LYN: variants seen among roughly 807,000 people sequenced by gnomAD.
LYN encodes the protein LYN proto-oncogene, Src family tyrosine kinase, also known as tyrosine-protein kinase Lyn.
A neutral mutation model predicts 65.0 loss-of-function variants in LYN; 12 were observed. The ratio of observed to expected loss-of-function variants is 0.18; its 90% confidence interval spans 0.12 to 0.30. LYN has a LOEUF of 0.30. Ranked by LOEUF, LYN falls within the 10% of genes least tolerant of loss-of-function variation. LYN has a pLI of 1.00. For synonymous variants in LYN, 222 were observed against 221.2 expected (o/e 1.00, Z -0.03); for missense variants, 380 against 623.2 (o/e 0.61, Z 4.16).
At chr8:55,983,140 G>A (rs1315296929) in intron 10 of LYN, among the ~76,000 whole-genome samples, 1 of 152,102 alleles carries the variant, frequency 6.6e-6, no homozygotes, top group East Asian at 1.9e-4. Flanking sequence ...AAGAGCACCA[G>A]CCTGAGGAGC....
At chr8:55,996,165 A>G (rs1054744723) in intron 10 of LYN, among the ~76,000 whole-genome samples, 1 of 152,228 alleles carries the variant, frequency 6.6e-6, no homozygotes, top group Non-Finnish European at 1.5e-5. Flanking sequence ...AAAAATAATG[A>G]CAAAGCTGTG....
chr8:55,897,801 T>C (rs1805159113), intron 1 of LYN, among the ~76,000 whole-genome samples: 1 of 152,054 alleles, frequency 6.6e-6, no homozygotes, highest in Non-Finnish European at 1.5e-5. Context: ...TATTCCCAGC[T>C]ACTCAGGAGG....
chr8:55,983,811 A>C (rs1337840340), intron 10 of LYN, among the ~76,000 whole-genome samples: 1 of 151,840 alleles, frequency 6.6e-6, no homozygotes, highest in Non-Finnish European at 1.5e-5. Flanking sequence ...CTTTCAACCT[A>C]TTTTTTCTCC....
intron 1 of LYN, among the ~76,000 whole-genome samples, chr8:55,934,284 T>C (rs575123684): frequency 6.6e-6 from 1 of 152,306 alleles, no homozygotes; most frequent in African/African-American, 2.4e-5. Flanking sequence ...AAAAAGAAGT[T>C]GGCAAACAGC....
intron 1 of LYN, among the ~76,000 whole-genome samples, chr8:55,913,225 A>C (rs935634811): frequency 1.1e-4 from 17 of 152,166 alleles, no homozygotes; most frequent in African/African-American, 3.9e-4. Flanking sequence ...AATAATTCAC[A>C]TTGAAATATA....
intron 1 of LYN, among the ~76,000 whole-genome samples, chr8:55,935,774 C>A (rs1412009869): frequency 1.5e-5 from 2 of 131,874 alleles, no homozygotes. Context: ...GAGGGAGACT[C>A]CATCCAAAAA....
At chr8:55,989,068 C>G (rs145242961) in intron 10 of LYN, among the ~76,000 whole-genome samples, 70 of 152,350 alleles carry the variant, frequency 4.6e-4, no homozygotes, top group African/African-American at 1.6e-3. Context: ...CTGGTGGTAG[C>G]AGCCGGGTAT....
At chr8:55,939,539 G>T (rs548678446) in intron 1 of LYN, among the ~76,000 whole-genome samples, 4 of 152,164 alleles carry the variant, frequency 2.6e-5, no homozygotes, top group Non-Finnish European at 2.9e-5. Context: ...CAGTGGGGGG[G>T]GGACAGGGGA....
chr8:55,969,675 G>T (rs1278339236), intron 9 of LYN, 42 bp from the exon 10 acceptor site: 1 of 1,426,212 alleles, frequency 7.0e-7, no homozygotes, highest in African/African-American at 1.4e-5. Context: ...ATTTTTTCTT[G>T]TGTGTTTGGA....
chr8:56,003,616 A>C (rs993950355), intron 12 of LYN, among the ~76,000 whole-genome samples: 4 of 151,900 alleles, frequency 2.6e-5, no homozygotes, highest in African/African-American at 9.7e-5. Context: ...CAGAAGTTGC[A>C]GTGAGCCGAG....
chr8:55,922,885 G>A (rs987193916), intron 1 of LYN, among the ~76,000 whole-genome samples: 3 of 152,204 alleles, frequency 2.0e-5, no homozygotes, highest in Non-Finnish European at 2.9e-5. Flanking sequence ...ATGGTTAGAC[G>A]TAGCAGGGCT....
At chr8:55,987,395 A>G (rs1808104484) in intron 10 of LYN, among the ~76,000 whole-genome samples, 1 of 149,496 alleles carries the variant, frequency 6.7e-6, no homozygotes, top group Non-Finnish European at 1.5e-5. Context: ...CTACAGAGTG[A>G]GACTTCATCT....
At chr8:55,977,484 A>G (rs1807789567) in intron 10 of LYN, among the ~76,000 whole-genome samples, 1 of 152,216 alleles carries the variant, frequency 6.6e-6, no homozygotes, top group African/African-American at 2.4e-5. Context: ...TTGGAGAATC[A>G]CAGAGTTCTC....
chr8:55,974,448 A>G (rs937961106), intron 10 of LYN, among the ~76,000 whole-genome samples: 1 of 152,200 alleles, frequency 6.6e-6, no homozygotes, highest in Admixed American at 6.5e-5. Context: ...GGAAAACTCT[A>G]TCTAGGAAGT....
rs1457545626 is a variant in LYN, at chr8:55,998,432, CAT to C, written c.1138_1139del (p.Met380ValfsTer10). The C allele has an allele frequency of 3.1e-6, 5 of 1,613,920 alleles. No individual in the cohort carries two copies. The highest frequency in any genetic ancestry group is 4.2e-6 in the Non-Finnish European group (5 of 1,179,914). ...CTAATGTTCTGGTCTCCGAGTCACT[CAT>C]GTGCAAAATTGCAGATTTTGGCCTT... The part of the protein sequence containing the change: ...AANVLVSESL[M>X]CKIADFGLAR... On this transcript the variant is annotated frameshift_variant, in exon 11 of 13. Transcript: ENST00000519728. LOFTEE classifies it high-confidence loss of function.
chr8:55,932,269 A>C (rs1806292255), intron 1 of LYN, among the ~76,000 whole-genome samples: 1 of 152,190 alleles, frequency 6.6e-6, no homozygotes, highest in Admixed American at 6.5e-5. Context: ...TTAGGAAACT[A>C]CAGAAACAAC....
intron 8 of LYN, among the ~76,000 whole-genome samples, chr8:55,964,432 G>A (rs1312235267): frequency 1.3e-5 from 2 of 152,026 alleles, no homozygotes; most frequent in African/African-American, 2.4e-5. Flanking sequence ...TTTTAATAGA[G>A]GAATCAGTCT....
intron 1 of LYN, among the ~76,000 whole-genome samples, chr8:55,884,532 C>T (rs1299702695): frequency 6.6e-6 from 1 of 152,176 alleles, no homozygotes; most frequent in Non-Finnish European, 1.5e-5. Context: ...TCCCAGTTCA[C>T]TGCACCTCCA....
chr8:55,960,057 T>G (rs1400312079), intron 8 of LYN, among the ~76,000 whole-genome samples: 1 of 152,180 alleles, frequency 6.6e-6, no homozygotes, highest in Non-Finnish European at 1.5e-5. Flanking sequence ...TGGGATTTCT[T>G]TTTGGAGTCA....
Sources: gnomAD v4.1 joint callset for allele counts (sites outside exome capture counted in the v4.1 genomes callset) on GRCh38, gnomAD v4.1.1 for gene constraint, MANE v1.5 for transcripts, NCBI Gene and HGNC (gene_info 2026-07-23, HGNC 2026-07-21) for gene names.